The following SLC4A8 variants were observed in gnomAD, a reference collection of about 807,000 sequenced individuals.
The protein encoded by SLC4A8 is electroneutral sodium bicarbonate exchanger 1.
In SLC4A8, 40 loss-of-function variants were observed where a neutral mutation model predicts 125.0. The ratio of observed to expected loss-of-function variants is 0.32; its 90% CI spans 0.25 to 0.42. The LOEUF (loss-of-function observed/expected upper bound fraction) is 0.42. SLC4A8 is among the 10% of genes least tolerant of loss of function. SLC4A8 has a pLI of 1.00. For missense variants in SLC4A8, 863 were observed against 1,355.1 expected (o/e 0.64, Z 5.70); for synonymous variants, 456 against 476.0 (o/e 0.96, Z 0.55).
chr12:51,497,294 GTCTGTTC>G (rs1285709174), intron 22 of SLC4A8, 170 bp downstream of exon 22: 3 of 740,246 alleles, frequency 4.1e-6, no homozygotes, highest in African/African-American at 3.7e-5. Context: ...TCTTGCTTCT[GTCTGTTC>G]TTAATTTTTG....
chr12:51,409,964 G>A (rs147112327), intron 1 of SLC4A8, among the ~76,000 whole-genome samples: 8 of 152,316 alleles, frequency 5.3e-5, no homozygotes, highest in South Asian at 2.1e-4. Flanking sequence ...TGCATGTCTC[G>A]TTCCGATGGC....
intron 1 of SLC4A8, among the ~76,000 whole-genome samples, chr12:51,405,558 CTTTCTT>C (rs1029608564): frequency 7.9e-5 from 12 of 152,098 alleles, no homozygotes; most frequent in Admixed American, 1.3e-4. Context: ...TGGCCATTTT[CTTTCTT>C]TTTCTTTTCT....
At chr12:51,459,837 C>T in intron 7 of SLC4A8, 114 bp from the exon 8 acceptor site, 1 of 875,754 alleles carries the variant, frequency 1.1e-6, no homozygotes. Context: ...CCACTGCACT[C>T]CAGAGTGGGT....
chr12:51,501,129 A>G (rs7301932), intron 22 of SLC4A8, among the ~76,000 whole-genome samples: 81,895 of 151,968 alleles, frequency 0.54, 22,203 homozygotes, highest in African/African-American at 0.57. Context: ...GTGCCCGGCC[A>G]GATTATTTTC....
chr12:51,437,970 A>G (rs1949473253), intron 1 of SLC4A8, among the ~76,000 whole-genome samples: 2 of 152,182 alleles, frequency 1.3e-5, no homozygotes, highest in South Asian at 4.1e-4. Flanking sequence ...GTGCCATTAT[A>G]TTCATTCTTT....
chr12:51,433,884 G>GTTTTTTTTTTTTTTT (rs1565772495), intron 1 of SLC4A8, among the ~76,000 whole-genome samples: 1 of 72,202 alleles, frequency 1.4e-5, no homozygotes. Flanking sequence ...TTTTTGGTTG[G>GTTTTTTTTTTTTTTT]TTTTTTTTTG....
In SLC4A8 at chr12:51,469,705, T is replaced by A; in HGVS notation, c.1441T>A (p.Ser481Thr). The A allele has an allele frequency of 1.2e-6, 2 of 1,614,064 alleles. No individual in the cohort carries two copies. Among genetic ancestry groups the A allele is most frequent in the Non-Finnish European group, 8.5e-7 (1 of 1,180,006 alleles). ...TGCACTCAGCTTACAGTGTTTGGCTTCCTTTCTGTTCCTGTACTGTGCCTG... is the reference window on the plus strand; with the variant it reads ...TGCACTCAGCTTACAGTGTTTGGCTACCTTTCTGTTCCTGTACTGTGCCTG... ...RDALSLQCLA[S>T]FLFLYCACMS... is the part of the protein sequence containing the mutation. The change falls in exon 12 of 25, where the codon TCC becomes ACC. Residue 481 changes from serine (S) to threonine (T), a missense_variant. This residue lies in a region of SLC4A8 where 390 missense variants were observed against 634.4 expected (regional missense o/e 0.61). Transcript: ENST00000453097.
chr12:51,403,723 A>G (rs1369781127), intron 1 of SLC4A8, among the ~76,000 whole-genome samples: 1 of 152,228 alleles, frequency 6.6e-6, no homozygotes, highest in African/African-American at 2.4e-5. Flanking sequence ...ATTTTATTTA[A>G]CACCCGGCAA....
chr12:51,400,829 T>C (rs1422761169), intron 1 of SLC4A8, among the ~76,000 whole-genome samples: 1 of 129,714 alleles, frequency 7.7e-6, no homozygotes, highest in African/African-American at 3.1e-5. Flanking sequence ...TTTATATACG[T>C]ATATAAACAT....
intron 1 of SLC4A8, among the ~76,000 whole-genome samples, chr12:51,439,166 C>T (rs1282127935): frequency 1.3e-5 from 2 of 152,160 alleles, no homozygotes; most frequent in Admixed American, 6.5e-5. Flanking sequence ...AAGTGATTCT[C>T]CTGCCTCAGC....
intron 5 of SLC4A8, among the ~76,000 whole-genome samples, chr12:51,455,129 G>A (rs1303129656): frequency 6.9e-6 from 1 of 145,942 alleles, no homozygotes; most frequent in African/African-American, 2.6e-5. Flanking sequence ...TGGGGGTAAG[G>A]TTATAGATTA....
chr12:51,463,509 G>A (rs1285583550), intron 10 of SLC4A8, 105 bp from the exon 11 acceptor site: 20 of 695,418 alleles, frequency 2.9e-5, no homozygotes, highest in Non-Finnish European at 4.6e-5. Flanking sequence ...CTACAAACAC[G>A]GGCATTTTTG....
chr12:51,442,077 C>T (rs1266156625), intron 2 of SLC4A8, among the ~76,000 whole-genome samples: 2 of 152,040 alleles, frequency 1.3e-5, no homozygotes, highest in African/African-American at 4.8e-5. Flanking sequence ...TCATAGCACC[C>T]CAGGCAGGTA....
chr12:51,489,758 C>T lies in SLC4A8; in HGVS notation c.2507C>T (p.Ser836Phe), dbSNP rs756838880. 1.2e-6 allele frequency: 2 copies of T among 1,614,202 alleles called. No homozygotes were observed. Among genetic ancestry groups the T allele is most frequent in the Non-Finnish European group, 1.7e-6 (2 of 1,180,030 alleles). ...GTGGCCATCATGCTGGGTGTCTGCT[C>T]CATCATGGGCCTGCCCTGGTTTGTA... ...LMVAIMLGVC[S>F]IMGLPWFVAA... Residue 836 changes from serine to phenylalanine, a missense_variant, in exon 19 of 25, where the codon TCC becomes TTC. This residue lies in a region of SLC4A8 where 197 missense variants were observed against 377.7 expected (regional missense o/e 0.52). Coordinates refer to ENST00000453097, the MANE Select transcript of SLC4A8 (RefSeq NM_001039960.3).
chr12:51,422,477 C>T (rs1371438558), upstream of SLC4A8, among the ~76,000 whole-genome samples: 1 of 152,102 alleles, frequency 6.6e-6, no homozygotes, highest in Admixed American at 6.5e-5. Context: ...ACTTCAGCTT[C>T]CTGAGGGGCT....
At chr12:51,462,006 A>C in intron 9 of SLC4A8, 1 of 214,818 alleles carries the variant, frequency 4.7e-6, no homozygotes, top group Non-Finnish European at 9.2e-6. Flanking sequence ...TTTTTTTTTC[A>C]TATATCTTGC....
At chr12:51,425,933 G>A (rs1033410744) in intron 1 of SLC4A8, among the ~76,000 whole-genome samples, 2 of 152,232 alleles carry the variant, frequency 1.3e-5, no homozygotes, top group African/African-American at 4.8e-5. Context: ...GTGACACTCA[G>A]TGAATGAGTG....
intron 1 of SLC4A8, among the ~76,000 whole-genome samples, chr12:51,429,240 G>A (rs1455636035): frequency 6.6e-6 from 1 of 152,180 alleles, no homozygotes; most frequent in Admixed American, 6.5e-5. Context: ...CTAAGTGCCA[G>A]GGTTGCTTGT....
intron 11 of SLC4A8, among the ~76,000 whole-genome samples, chr12:51,467,085 T>C (rs1950543292): frequency 6.6e-6 from 1 of 152,134 alleles, no homozygotes; most frequent in African/African-American, 2.4e-5. Context: ...GGTAATAAGA[T>C]GCTATGTTAG....
Sources: gnomAD v4.1 joint callset for allele counts (sites outside exome capture counted in the v4.1 genomes callset) on GRCh38, gnomAD v4.1.1 for gene constraint, gnomAD v4.1.1 regional missense constraint, MANE v1.5 for transcripts, NCBI Gene and HGNC (gene_info 2026-07-23, HGNC 2026-07-21) for gene names.